The following SLC9D1 variants were observed in gnomAD, a reference collection of about 807,000 sequenced individuals.
SLC9D1 encodes the protein solute carrier family 9 member D1.
the SLC9D1 span, among the ~76,000 whole-genome samples, chr13:113,513,549 T>C: frequency 2.6e-5 from 4 of 152,264 alleles, no homozygotes; most frequent in South Asian, 6.2e-4. Flanking sequence ...ACTTGGACAC[T>C]GAAAGGAAAT....
the SLC9D1 span, chr13:113,498,340 A>G: frequency 6.6e-7 from 1 of 1,523,738 alleles, no homozygotes; most frequent in African/African-American, 1.4e-5. Context: ...ACAAATGAAT[A>G]GGAAGAAACA....
chr13:113,547,143 C>CT, the SLC9D1 span: 1 of 651,498 alleles, frequency 1.5e-6, no homozygotes, highest in South Asian at 1.8e-5. Flanking sequence ...AAAGGGGCGG[C>CT]TTTTTAGCAT....
the SLC9D1 span, among the ~76,000 whole-genome samples, chr13:113,492,138 G>A: frequency 6.6e-6 from 1 of 151,970 alleles, no homozygotes. Flanking sequence ...ATCACGCCCG[G>A]CTAATTATTT....
the SLC9D1 span, among the ~76,000 whole-genome samples, chr13:113,541,355 C>G: frequency 5.4e-3 from 779 of 144,516 alleles, 10 homozygotes; most frequent in African/African-American, 0.018. Flanking sequence ...GATTGCTGAT[C>G]ACTGCCATGC....
chr13:113,496,277 G>A, the SLC9D1 span, among the ~76,000 whole-genome samples: 28,189 of 152,186 alleles, frequency 0.19, 3,453 homozygotes, highest in African/African-American at 0.35. Context: ...ACTTCTAGAA[G>A]GAGCCAGTCT....
At chr13:113,495,865 C>G in the SLC9D1 span, 3 of 1,614,140 alleles carry the variant, frequency 1.9e-6, no homozygotes, top group Non-Finnish European at 2.5e-6. Flanking sequence ...CAGGTGCACA[C>G]GTTTGAAATT....
At chr13:113,548,356 C>T in the SLC9D1 span, 1 of 1,613,912 alleles carries the variant, frequency 6.2e-7, no homozygotes, top group Non-Finnish European at 8.5e-7. Flanking sequence ...GCAGCCAGTA[C>T]ATCAAGTGGA....
the SLC9D1 span, among the ~76,000 whole-genome samples, chr13:113,538,460 T>G: frequency 1.3e-5 from 2 of 152,188 alleles, no homozygotes; most frequent in Non-Finnish European, 2.9e-5. Flanking sequence ...GTTTTTAGAT[T>G]CAGCTGGTCA....
At chr13:113,504,604 G>A in the SLC9D1 span, 2 of 152,224 alleles carry the variant, frequency 1.3e-5, no homozygotes, top group Admixed American at 1.3e-4. Flanking sequence ...TTCCATTCCT[G>A]AGTTACTGCA....
At chr13:113,508,139 G>A in the SLC9D1 span, among the ~76,000 whole-genome samples, 5 of 152,256 alleles carry the variant, frequency 3.3e-5, no homozygotes, top group African/African-American at 1.2e-4. Flanking sequence ...CTCCTGGCTG[G>A]AATGTGGGGT....
chr13:113,521,340 G>A, the SLC9D1 span, among the ~76,000 whole-genome samples: 3 of 147,756 alleles, frequency 2.0e-5, no homozygotes, highest in South Asian at 2.2e-4. Flanking sequence ...ATGCATGTGC[G>A]TCTGCATGTA....
chr13:113,529,890 T>G, the SLC9D1 span: 1 of 152,220 alleles, frequency 6.6e-6, no homozygotes, highest in Non-Finnish European at 1.5e-5. Context: ...CATTTTATTG[T>G]ATGAGAGTTT....
At chr13:113,496,969 A>G in the SLC9D1 span, among the ~76,000 whole-genome samples, 1 of 152,238 alleles carries the variant, frequency 6.6e-6, no homozygotes, top group Non-Finnish European at 1.5e-5. Flanking sequence ...TGCACACTTC[A>G]TAACATATCA....
At chr13:113,536,478 AGT>A in the SLC9D1 span, 1 of 670,298 alleles carries the variant, frequency 1.5e-6, no homozygotes, top group Non-Finnish European at 1.8e-6. Context: ...CTATTTCAAG[AGT>A]GTGACTTATT....
the SLC9D1 span, among the ~76,000 whole-genome samples, chr13:113,497,618 C>T: frequency 1.3e-4 from 19 of 149,368 alleles, no homozygotes; most frequent in Non-Finnish European, 2.4e-4. Flanking sequence ...CTGTGTGAGA[C>T]CTGCAGCTGT....
the SLC9D1 span, chr13:113,495,673 G>C: frequency 1.9e-6 from 3 of 1,609,424 alleles, no homozygotes; most frequent in Non-Finnish European, 2.5e-6. Context: ...GTGGCGCAGC[G>C]TGTGATCAAA....
chr13:113,510,327 A>G, the SLC9D1 span: 1 of 1,614,166 alleles, frequency 6.2e-7, no homozygotes, highest in East Asian at 2.2e-5. Context: ...TGCGGATCAA[A>G]CCCACGCAGA....
chr13:113,519,804 G>A, the SLC9D1 span, among the ~76,000 whole-genome samples: 1 of 152,184 alleles, frequency 6.6e-6, no homozygotes, highest in Non-Finnish European at 1.5e-5. Flanking sequence ...TGGCTTGGGT[G>A]CGTCTGCACC....
chr13:113,531,170 T>C, the SLC9D1 span, among the ~76,000 whole-genome samples: 1 of 152,236 alleles, frequency 6.6e-6, no homozygotes, highest in African/African-American at 2.4e-5. Context: ...GTGGAGTCAG[T>C]GTGAGAACCG....
Sources: allele counts gnomAD v4.1 joint callset (sites outside exome capture counted in the v4.1 genomes callset), GRCh38; gene constraint gnomAD v4.1.1; transcripts MANE v1.5; gene names NCBI Gene and HGNC (gene_info 2026-07-23, HGNC 2026-07-21).